PSMC4: variants seen among roughly 807,000 people sequenced by gnomAD.
PSMC4 encodes 26S proteasome regulatory subunit 6B.
In PSMC4, 13 loss-of-function variants were observed where a neutral mutation model predicts 48.4. That is an observed-to-expected ratio of 0.27 (90% CI 0.18 to 0.43). The LOEUF (loss-of-function observed/expected upper bound fraction) is 0.43. PSMC4 is among the 20% of genes least tolerant of loss of function. The pLI is 1.00. For synonymous variants in PSMC4, 202 were observed against 212.3 expected (o/e 0.95, Z 0.42); for missense variants, 262 against 555.9 (o/e 0.47, Z 5.32).
At chr19:39,977,603 C>T (rs141041532) in intron 6 of PSMC4, among the ~76,000 whole-genome samples, 76 of 152,052 alleles carry the variant, frequency 5.0e-4, no homozygotes, top group Non-Finnish European at 1.0e-3. Flanking sequence ...GGGCAGATCA[C>T]GAGGTCAGGA....
intron 1 of PSMC4, 92 bp from the exon 2 acceptor site, chr19:39,972,054 T>TG (rs766437755): frequency 1.2e-5 from 14 of 1,186,340 alleles, no homozygotes; most frequent in Non-Finnish European, 1.5e-5. Context: ...GACATCAGGG[T>TG]GAAGTGGGGA....
chr19:39,976,997 A>G (rs1475897030), intron 6 of PSMC4, among the ~76,000 whole-genome samples: 2 of 151,846 alleles, frequency 1.3e-5, no homozygotes, highest in African/African-American at 4.8e-5. Context: ...TTACAGGTAC[A>G]TGCCACCACA....
chr19:39,979,644 T>C, intron 6 of PSMC4, 173 bp from the exon 7 acceptor site: 1 of 488,192 alleles, frequency 2.0e-6, no homozygotes. Context: ...AGTAGATGGC[T>C]ATTCCTCAGG....
At chr19:39,972,787 C>T (rs909175953) in intron 3 of PSMC4, among the ~76,000 whole-genome samples, 1 of 151,542 alleles carries the variant, frequency 6.6e-6, no homozygotes, top group Non-Finnish European at 1.5e-5. Flanking sequence ...TTGCTCTTGT[C>T]CAGGCTGGAG....
Position 39,974,746 on chromosome 19 carries a change from TC to T in PSMC4, c.598del (p.Arg200GlufsTer65). The T allele has an allele frequency of 5.0e-6, 8 of 1,613,720 alleles. No homozygotes were observed. Among genetic ancestry groups the T allele is most frequent in the Non-Finnish European group, 6.8e-6 (8 of 1,179,870 alleles). ...CCTCTGGGTTTCAGATCGGCATCGA[TC>T]CCCCCCGAGGCGTCCTCATGTATGG... is the stretch of plus-strand genomic sequence containing the variant. ...FELYKQIGID[P>X]PRGVLMYGPP... On this transcript the variant is annotated frameshift_variant, in exon 6 of 11. Coordinates refer to ENST00000157812, the MANE Select transcript of PSMC4 (RefSeq NM_006503.4). LOFTEE classifies it high-confidence loss of function. The surrounding 1 kb of genome is among the most constrained non-coding windows in gnomAD (Gnocchi z 5.5).
intron 3 of PSMC4, among the ~76,000 whole-genome samples, chr19:39,973,635 T>C (rs534670039): frequency 6.6e-6 from 1 of 151,468 alleles, no homozygotes; most frequent in Admixed American, 6.6e-5. Context: ...TCAGAGTCCT[T>C]ATCAGAGTAT....
intron 10 of PSMC4, 26 bp from the exon 11 acceptor site, chr19:39,981,166 A>G (rs768842311): frequency 6.3e-7 from 1 of 1,575,942 alleles, no homozygotes; most frequent in Non-Finnish European, 8.7e-7. Flanking sequence ...CACAGGAAGT[A>G]GATTTTAACT....
At chr19:39,972,674 C>G in intron 3 of PSMC4, 119 bp downstream of exon 3, 5 of 756,582 alleles carry the variant, frequency 6.6e-6, no homozygotes, top group Non-Finnish European at 8.2e-6. Context: ...AGTATTTTGA[C>G]TGATCGAAAG....
chr19:39,976,337 G>A (rs1338913571), intron 6 of PSMC4, among the ~76,000 whole-genome samples: 2 of 140,294 alleles, frequency 1.4e-5, no homozygotes, highest in South Asian at 2.3e-4. Flanking sequence ...GGGAGGCGGA[G>A]CTTGCAGTGA....
Position 39,971,180 on chromosome 19 carries a change from A to T in PSMC4, c.-23A>T. 1 of 1,613,984 alleles carries T rather than the reference A, an allele frequency of 6.2e-7. No homozygotes were observed. Among genetic ancestry groups the T allele is most frequent in the Non-Finnish European group, 8.5e-7 (1 of 1,179,898 alleles). On this transcript the variant is annotated 5_prime_UTR_variant, in exon 1 of 11. Transcript: ENST00000157812. ...AAGCGGTGACAGATCATCCCAGGCC[A>T]CACAGAGGCCGGCTTGGTCACTATG...
At chr19:39,971,360 G>A (rs754427662) in intron 1 of PSMC4, 122 bp downstream of exon 1, 10 of 1,202,860 alleles carry the variant, frequency 8.3e-6, no homozygotes, top group Non-Finnish European at 1.2e-5. Flanking sequence ...TATTTTAGAG[G>A]CCTCGGTGGA....
Position 39,972,558 on chromosome 19 carries a change from G to A in PSMC4, c.322+3G>A, listed in dbSNP as rs1568374005. Reference sequence around the variant, plus strand: ...AGCCATCGTGGGCTCTACCACAGGTGTGCTAAGGACACCTCATTCATTCAT... The same window carrying A: ...AGCCATCGTGGGCTCTACCACAGGTATGCTAAGGACACCTCATTCATTCAT... On this transcript the variant is annotated splice_donor_region_variant and intron_variant, in intron 3 of 10. Coordinates refer to ENST00000157812, the MANE Select transcript of PSMC4 (RefSeq NM_006503.4). The A allele has an allele frequency of 5.6e-6, 9 of 1,608,926 alleles. No homozygotes were observed. In the East Asian group the frequency reaches 6.7e-5, roughly 12 times the overall value.
At chr19:39,977,239 G>C (rs1971218090) in intron 6 of PSMC4, among the ~76,000 whole-genome samples, 1 of 152,054 alleles carries the variant, frequency 6.6e-6, no homozygotes, top group Non-Finnish European at 1.5e-5. Flanking sequence ...GTGTGGCCCT[G>C]TGTACCCTTC....
Position 39,979,893 on chromosome 19 carries a change from G to A in PSMC4, c.750G>A (p.Val250=), listed in dbSNP as rs777745903. 1.2e-6 allele frequency: 2 copies of A among 1,614,168 alleles called. No homozygotes were observed. Among genetic ancestry groups the A allele is most frequent in the Non-Finnish European group, 1.7e-6 (2 of 1,180,028 alleles). Residue 250 remains valine (V), a synonymous_variant, in exon 7 of 11, where the codon GTG becomes GTA. Transcript: ENST00000157812. ...LGEGPRMVRD[V]FRLAKENAPA... ...AGGGCCCCCGCATGGTCCGGGATGTGTTCCGCCTGGCCAAGGAGAATGCAC... is the reference window on the plus strand; with the variant it reads ...AGGGCCCCCGCATGGTCCGGGATGTATTCCGCCTGGCCAAGGAGAATGCAC...
intron 6 of PSMC4, among the ~76,000 whole-genome samples, chr19:39,977,905 T>G (rs1255041951): frequency 6.7e-6 from 1 of 148,902 alleles, no homozygotes; most frequent in Non-Finnish European, 1.5e-5. Flanking sequence ...GCAACCTTAA[T>G]CTCCTGGGCT....
At chr19:39,972,269 C>G in intron 2 of PSMC4, 25 bp downstream of exon 2, 1 of 1,611,682 alleles carries the variant, frequency 6.2e-7, no homozygotes, top group Non-Finnish European at 8.5e-7. Context: ...CAACCCAGAC[C>G]TTGCACAGGA....
intron 6 of PSMC4, among the ~76,000 whole-genome samples, chr19:39,978,877 G>A (rs1056957909): frequency 1.3e-5 from 2 of 152,030 alleles, no homozygotes; most frequent in Non-Finnish European, 2.9e-5. Context: ...AGCTAGGTGT[G>A]GGGACATGCC....
In PSMC4 at chr19:39,980,140, T is replaced by C. The variant is rs969338910; in HGVS notation, c.912T>C (p.Asn304=). The part of the protein sequence containing the change: ...NQMDGFDQNV[N]VKVIMATNRA... ...TGGATGGATTTGATCAGAATGTCAATGTCAAGGTTTGGGGTTTGGGATGGA... is the reference window on the plus strand; with the variant it reads ...TGGATGGATTTGATCAGAATGTCAACGTCAAGGTTTGGGGTTTGGGATGGA... Residue 304 remains asparagine, a synonymous_variant, in exon 8 of 11, where the codon AAT becomes AAC. Coordinates refer to ENST00000157812, the MANE Select transcript of PSMC4 (RefSeq NM_006503.4). The surrounding 1 kb of genome is among the most constrained non-coding windows in gnomAD (Gnocchi z 4.8). 1.2e-6 allele frequency: 2 copies of C among 1,613,804 alleles called. No homozygotes were observed. Among genetic ancestry groups the C allele is most frequent in the African/African-American group, 1.3e-5 (1 of 74,816 alleles).
In PSMC4 at chr19:39,972,269, C is replaced by T. The variant is rs774914013; in HGVS notation, c.135+25C>T. 4.3e-6 allele frequency: 7 copies of T among 1,611,682 alleles called. No homozygotes were observed. The South Asian group carries it at 6.6e-5, about 15-fold the overall frequency. Reference sequence around the variant, plus strand: ...GGTACATTCGACCCCCAACCCAGACCTTGCACAGGACCTGACATCTCATAC... The same window carrying T: ...GGTACATTCGACCCCCAACCCAGACTTTGCACAGGACCTGACATCTCATAC... On this transcript the variant is annotated intron_variant, in intron 2 of 10. Transcript: ENST00000157812.
Sources: allele counts gnomAD v4.1 joint callset (sites outside exome capture counted in the v4.1 genomes callset), GRCh38; gene constraint gnomAD v4.1.1; non-coding constraint Gnocchi (gnomAD v3.1); transcripts MANE v1.5; gene names NCBI Gene and HGNC (gene_info 2026-07-23, HGNC 2026-07-21).